The following SP9 variants were observed in gnomAD, a reference collection of about 807,000 sequenced individuals.
SP9 encodes transcription factor Sp9.
SP9 carries 5 observed loss-of-function variants against 23.0 expected under a neutral mutation model. The ratio of observed to expected loss-of-function variants is 0.22; its 90% CI spans 0.11 to 0.46. The LOEUF (loss-of-function observed/expected upper bound fraction) is 0.46. Ranked by LOEUF, SP9 falls within the 20% of genes least tolerant of loss-of-function variation. The pLI is 0.99. For missense variants in SP9, 542 were observed against 724.0 expected (o/e 0.75, Z 2.88); for synonymous variants, 360 against 356.5 (o/e 1.01, Z -0.11).
chr2:174,336,525 C>T lies in SP9; in HGVS notation c.440C>T (p.Pro147Leu). 1 of 1,446,286 alleles carries T rather than the reference C, an allele frequency of 6.9e-7. No individual in the cohort carries two copies. The highest frequency in any genetic ancestry group is 1.4e-5 in the South Asian group (1 of 71,136). 89.6% of individuals were successfully genotyped at this position (1,446,286 alleles called of 1,614,324 possible). The change falls in exon 2 of 2, where the codon CCG becomes CTG. Residue 147 changes from proline (P) to leucine (L), a missense_variant. This residue lies in a region of SP9 where 201 missense variants were observed against 226.3 expected (regional missense o/e 0.89). Transcript: ENST00000394967. ...VHTTAADGLY[P>L]RVGMAHPYES... ...ACGACGGCAGCCGACGGGCTGTACCCGCGCGTGGGCATGGCGCACCCGTAC... is the reference window on the plus strand; with the variant it reads ...ACGACGGCAGCCGACGGGCTGTACCTGCGCGTGGGCATGGCGCACCCGTAC...
chr2:174,336,276 C>T lies in SP9; in HGVS notation c.191C>T (p.Ser64Leu). ...AGCTGCAACCTCGGCTCCAGCCTCT[C>T]GGGCTTCGCGGTGGCCACCGGGGGC... is the stretch of plus-strand genomic sequence containing the variant. Reference protein sequence around the residue: ...SSSCNLGSSLSGFAVATGGRG... With the variant: ...SSSCNLGSSLLGFAVATGGRG... Residue 64 changes from serine to leucine, a missense_variant, in exon 2 of 2, where the codon TCG becomes TTG. By Grantham distance (145) the Ser-to-Leu change is moderately radical (BLOSUM62 -2). Coordinates refer to ENST00000394967, the MANE Select transcript of SP9 (RefSeq NM_001145250.2). 6.5e-7 allele frequency: 1 copy of T among 1,528,894 alleles called. No individual in the cohort carries two copies. Among genetic ancestry groups the T allele is most frequent in the Non-Finnish European group, 8.8e-7 (1 of 1,138,886 alleles). 94.7% of individuals were successfully genotyped at this position (1,528,894 alleles called of 1,614,324 possible).
At position 174,336,959 on chromosome 2, in the gene SP9, G is replaced by A. The variant is rs912159267; in HGVS notation, c.874G>A (p.Gly292Arg). The A allele has an allele frequency of 7.0e-7, 1 of 1,437,398 alleles. No homozygotes were observed. The highest frequency in any genetic ancestry group is 9.0e-7 in the Non-Finnish European group (1 of 1,107,224). 89.0% of individuals were successfully genotyped at this position (1,437,398 alleles called of 1,614,324 possible). Residue 292 changes from glycine to arginine, a missense_variant, in exon 2 of 2, where the codon GGG becomes AGG. By Grantham distance (125) the Gly-to-Arg change is moderately radical. Around this residue, in one of 8 missense-constraint regions of SP9, gnomAD observed 56 missense variants for 97.8 expected, o/e 0.57. Coordinates refer to ENST00000394967, the MANE Select transcript of SP9 (RefSeq NM_001145250.2). ...ATCGGGCGCCGCGGCTGCCGCCGCC[G>A]GGGGGAGCTCGGCACGCTCTGCCCG... is the stretch of plus-strand genomic sequence containing the variant. ...MISGAAAAAA[G>R]GSSARSARRY...
chr2:174,337,689 G>C lies in SP9; in HGVS notation c.*149G>C. 1 of 973,596 alleles carries C rather than the reference G, an allele frequency of 1.0e-6. No homozygotes were observed. The highest frequency in any genetic ancestry group is 6.9e-5 in the East Asian group (1 of 14,564). 60.3% of individuals were successfully genotyped at this position (973,596 alleles called of 1,614,324 possible). Reference sequence around the variant, plus strand: ...CTGGGCGCGAGGTGGAGCCGCTCAGGGCTCCCGGGCTGCGGTTCGCCCGCT... The same window carrying C: ...CTGGGCGCGAGGTGGAGCCGCTCAGCGCTCCCGGGCTGCGGTTCGCCCGCT... On this transcript the variant is annotated 3_prime_UTR_variant, in exon 2 of 2. Transcript: ENST00000394967.
rs768640883 is a variant in SP9, at chr2:174,336,691, C to T, written c.606C>T (p.Ser202=). 2.0e-6 allele frequency: 3 copies of T among 1,519,466 alleles called. No individual in the cohort carries two copies. Among genetic ancestry groups the T allele is most frequent in the Non-Finnish European group, 2.6e-6 (3 of 1,139,868 alleles). The allele number at this position is 1,519,466 out of a possible 1,614,324, so 94.1% of individuals were successfully genotyped here. Residue 202 remains serine, a synonymous_variant, in exon 2 of 2, where the codon AGC becomes AGT. Coordinates refer to ENST00000394967, the MANE Select transcript of SP9 (RefSeq NM_001145250.2). ...AGAACCCCGCTGGGGGGCTCCAGAG[C>T]TCGCTGCACTCGGGCGCCCCCCAGG... ...EVQNPAGGLQ[S]SLHSGAPQAS... is the part of the protein sequence containing the mutation.
At position 174,337,673 on chromosome 2, in the gene SP9, A is replaced by C. The variant is rs1684442462; in HGVS notation, c.*133A>C. 1 of 1,025,344 alleles carries C rather than the reference A, an allele frequency of 9.8e-7. No individual in the cohort carries two copies. Among genetic ancestry groups the C allele is most frequent in the African/African-American group, 1.7e-5 (1 of 57,698 alleles). The allele number at this position is 1,025,344 out of a possible 1,614,324, so 63.5% of individuals were successfully genotyped here. A position where few individuals can be genotyped will look rare whatever the true frequency, so the allele number is the denominator to read the frequency against. On this transcript the variant is annotated 3_prime_UTR_variant, in exon 2 of 2. Coordinates refer to ENST00000394967, the MANE Select transcript of SP9 (RefSeq NM_001145250.2). ...GCCCCCAGGGCCCGGGCTGGGCGCG[A>C]GGTGGAGCCGCTCAGGGCTCCCGGG...
In SP9 at chr2:174,337,806, T is replaced by G. The variant is rs1397577799; in HGVS notation, c.*266T>G. 4.8e-6 allele frequency: 1 copy of G among 206,576 alleles called. No individual in the cohort carries two copies. Among genetic ancestry groups the G allele is most frequent in the East Asian group, 1.3e-4 (1 of 7,944 alleles). 12.8% of individuals were successfully genotyped at this position (206,576 alleles called of 1,614,324 possible). A position where few individuals can be genotyped will look rare whatever the true frequency, so the allele number is the denominator to read the frequency against. ...GCGAACCATCCTCCGACACAAACAC[T>G]TTAAAAACTGTACTCCCAGACGTAC... is the stretch of plus-strand genomic sequence containing the variant. On this transcript the variant is annotated 3_prime_UTR_variant, in exon 2 of 2. Transcript: ENST00000394967.
rs1183931251 is a variant in SP9 at position 174,336,422 on chromosome 2, G to A, written c.337G>A (p.Ala113Thr). 6.8e-7 allele frequency: 1 copy of A among 1,464,976 alleles called. No individual in the cohort carries two copies. Among genetic ancestry groups the A allele is most frequent in the South Asian group, 1.3e-5 (1 of 74,162 alleles). 90.7% of individuals were successfully genotyped at this position (1,464,976 alleles called of 1,614,324 possible). A position where few individuals can be genotyped will look rare whatever the true frequency, so the allele number is the denominator to read the frequency against. ...CTACGGCGGCCTCTTCTCCAACTCG[G>A]CGGCTGCCGCGGCGGCAGCGGCCGG... ...SDYGGLFSNS[A>T]AAAAAAAGVS... is the part of the protein sequence containing the mutation. Residue 113 changes from alanine to threonine, a missense_variant, in exon 2 of 2, where the codon GCG becomes ACG. Transcript: ENST00000394967.
chr2:174,337,453 GGCAGCGGCGGCGGCGGCA>G lies in SP9; in HGVS notation c.1371_1388del (p.Ala465_Ala470del). ...CCGGCGTCAGTGCCGCCCGGGCGGC[GGCAGCGGCGGCGGCGGCA>G]GCGGCGGCGGCGGCGGCGGCGGCCT... is the stretch of plus-strand genomic sequence containing the variant. On this transcript the variant is annotated inframe_deletion, in exon 2 of 2. Transcript: ENST00000394967. 6.4e-6 allele frequency: 8 copies of G among 1,247,886 alleles called. No individual in the cohort carries two copies. The highest frequency in any genetic ancestry group is 8.1e-6 in the Non-Finnish European group (8 of 982,338). 77.3% of individuals were successfully genotyped at this position (1,247,886 alleles called of 1,614,324 possible).
rs999860280 is a variant in SP9, at chr2:174,337,189, C to T, written c.1104C>T (p.Phe368=). The T allele has an allele frequency of 3.1e-6, 5 of 1,605,394 alleles. No homozygotes were observed. The African/African-American group carries it at 6.7e-5, about 21-fold the overall frequency. ...GGCCCTTCGTGTGCAACTGGCTCTT[C>T]TGCGGCAAGCGCTTCACGCGCTCGG... is the stretch of plus-strand genomic sequence containing the variant. ...GERPFVCNWL[F]CGKRFTRSDE... The change falls in exon 2 of 2, where the codon TTC becomes TTT. Residue 368 remains phenylalanine, a synonymous_variant. Coordinates refer to ENST00000394967, the MANE Select transcript of SP9 (RefSeq NM_001145250.2).
rs1244977810 is a variant in SP9 at position 174,336,736 on chromosome 2, G to C, written c.651G>C (p.Leu217=). The C allele has an allele frequency of 6.5e-7, 1 of 1,530,962 alleles. No homozygotes were observed. The highest frequency in any genetic ancestry group is 8.7e-7 in the Non-Finnish European group (1 of 1,144,796). 94.8% of individuals were successfully genotyped at this position (1,530,962 alleles called of 1,614,324 possible). A position where few individuals can be genotyped will look rare whatever the true frequency, so the allele number is the denominator to read the frequency against. Residue 217 remains leucine, a synonymous_variant, in exon 2 of 2, where the codon CTG becomes CTC. Transcript: ENST00000394967. The part of the protein sequence containing the change: ...GAPQASLHSQ[L]GTYNPDFSSL... ...CCCAGGCCTCGCTGCACTCGCAGCT[G>C]GGCACCTACAACCCCGACTTCAGCT...
In SP9 at chr2:174,335,878, G is replaced by T. The variant is rs139486714; in HGVS notation, c.22-229G>T. ...GGCATCTTTGATTTATAGCCTCAGC[G>T]AAGTGCAACTTTCCGGCGCCTGGAC... On this transcript the variant is annotated intron_variant, in intron 1 of 1. Transcript: ENST00000394967. 1,418 of 539,008 alleles carry T rather than the reference G, an allele frequency of 2.6e-3. 16 individuals carry two copies. The highest frequency in any genetic ancestry group is 0.025 in the African/African-American group (1,253 of 49,356). The allele number at this position is 539,008 out of a possible 1,614,324, so 33.4% of individuals were successfully genotyped here. A position where few individuals can be genotyped will look rare whatever the true frequency, so the allele number is the denominator to read the frequency against.
chr2:174,335,145 G>T, intron 1 of SP9, 32 bp downstream of exon 1: 2 of 1,551,632 alleles, frequency 1.3e-6, no homozygotes, highest in Non-Finnish European at 8.7e-7. Flanking sequence ...GCATTTGCTT[G>T]TTTTAACCGG....
At chr2:174,335,333 ATTTGGTTTC>A in intron 1 of SP9, 1 of 534,492 alleles carries the variant, frequency 1.9e-6, no homozygotes, top group Non-Finnish European at 3.4e-6. Context: ...GTCCTTTTTC[ATTTGGTTTC>A]AAAAAAAAGC....
chr2:174,336,452 T>C lies in SP9; in HGVS notation c.367T>C (p.Ser123Pro). The change falls in exon 2 of 2, where the codon TCC becomes CCC. Residue 123 changes from serine to proline, a missense_variant. Physicochemically the swap from Ser to Pro is moderately conservative, Grantham distance 74 (BLOSUM62 -1). Transcript: ENST00000394967. ...TGCCGCGGCGGCAGCGGCCGGGGTG[T>C]CCCCGCAGGAGGCGGGTGGCCAGTC... ...AAAAAAAAGV[S>P]PQEAGGQSAF... The C allele has an allele frequency of 6.8e-7, 1 of 1,476,278 alleles. No individual in the cohort carries two copies. Among genetic ancestry groups the C allele is most frequent in the Non-Finnish European group, 8.9e-7 (1 of 1,120,810 alleles). 91.4% of individuals were successfully genotyped at this position (1,476,278 alleles called of 1,614,324 possible). A position where few individuals can be genotyped will look rare whatever the true frequency, so the allele number is the denominator to read the frequency against.
rs894075446 is a variant in SP9, at chr2:174,336,803, TCCG to T, written c.730_732del (p.Ala244del). 7.1e-5 allele frequency: 108 copies of T among 1,528,846 alleles called. No individual in the cohort carries two copies. In the African/African-American group the frequency reaches 1.1e-3, roughly 16 times the overall value. 94.7% of individuals were successfully genotyped at this position (1,528,846 alleles called of 1,614,324 possible). A position where few individuals can be genotyped will look rare whatever the true frequency, so the allele number is the denominator to read the frequency against. The stretch of plus-strand genomic sequence containing the variant: ...CTTCAGCTCCACGGGCCTCGGCTCC[TCCG>T]CCGCCGCCGCCTCCCACCTGCTCTC... On this transcript the variant is annotated inframe_deletion, in exon 2 of 2. Transcript: ENST00000394967.
Position 174,336,505 on chromosome 2 carries a change from G to A in SP9, c.420G>A (p.Thr140=), listed in dbSNP as rs1684415549. The A allele has an allele frequency of 2.0e-6, 3 of 1,469,670 alleles. No homozygotes were observed. Among genetic ancestry groups the A allele is most frequent in the East Asian group, 2.8e-5 (1 of 35,186 alleles). The allele number at this position is 1,469,670 out of a possible 1,614,324, so 91.0% of individuals were successfully genotyped here. A position where few individuals can be genotyped will look rare whatever the true frequency, so the allele number is the denominator to read the frequency against. Residue 140 remains threonine (T), a synonymous_variant, in exon 2 of 2, where the codon ACG becomes ACA. Coordinates refer to ENST00000394967, the MANE Select transcript of SP9 (RefSeq NM_001145250.2). ...QSAFISKVHT[T]AADGLYPRVG... Reference sequence around the variant, plus strand: ...CCTTCATTTCCAAGGTGCACACGACGGCAGCCGACGGGCTGTACCCGCGCG... The same window carrying A: ...CCTTCATTTCCAAGGTGCACACGACAGCAGCCGACGGGCTGTACCCGCGCG...
Position 174,336,187 on chromosome 2 carries a change from G to A in SP9, c.102G>A (p.Thr34=), listed in dbSNP as rs372579246. ...AGATCGGCAACACGAGCCCGCTGAC[G>A]ACGCTGCCAGAGTCGAGCGCCTTCG... The part of the protein sequence containing the change: ...CNKIGNTSPL[T]TLPESSAFAK... The change falls in exon 2 of 2, where the codon ACG becomes ACA. Residue 34 remains threonine, a synonymous_variant. Transcript: ENST00000394967. 3.4e-5 allele frequency: 52 copies of A among 1,550,618 alleles called. No individual in the cohort carries two copies. The African/African-American group carries it at 6.4e-4, about 19-fold the overall frequency.
chr2:174,337,000 C>T lies in SP9; in HGVS notation c.915C>T (p.Arg305=). The change falls in exon 2 of 2, where the codon CGC becomes CGT. Residue 305 remains arginine (R), a synonymous_variant. Coordinates refer to ENST00000394967, the MANE Select transcript of SP9 (RefSeq NM_001145250.2). ...GCTCTGCCCGCCGCTACTCGGGCCG[C>T]GCCACCTGCGACTGCCCCAACTGCC... The part of the protein sequence containing the change: ...SARSARRYSG[R]ATCDCPNCQE... The T allele has an allele frequency of 6.9e-7, 1 of 1,456,640 alleles. No homozygotes were observed. Among genetic ancestry groups the T allele is most frequent in the Non-Finnish European group, 9.0e-7 (1 of 1,113,192 alleles). 90.2% of individuals were successfully genotyped at this position (1,456,640 alleles called of 1,614,324 possible).
chr2:174,338,203 A>G lies in SP9; in HGVS notation c.*663A>G, dbSNP rs1044568640. On this transcript the variant is annotated 3_prime_UTR_variant, in exon 2 of 2. Transcript: ENST00000394967. ...TCTAGCGACAGTTTCTCTGTATTTC[A>G]TAACATCTGTATAAATAGGGTTCAA... The G allele has an allele frequency of 2.0e-5, 3 of 152,228 alleles. No homozygotes were observed. Among genetic ancestry groups the G allele is most frequent in the Admixed American group, 1.3e-4 (2 of 15,288 alleles). 9.4% of individuals were successfully genotyped at this position (152,228 alleles called of 1,614,324 possible).
Sources: gnomAD v4.1 joint callset for allele counts on GRCh38, gnomAD v4.1.1 for gene constraint, gnomAD v4.1.1 regional missense constraint, MANE v1.5 for transcripts, NCBI Gene and HGNC (gene_info 2026-07-23, HGNC 2026-07-21) for gene names.